Variants in WWOX observed in about 807,000 individuals in gnomAD.
WWOX encodes WW domain containing oxidoreductase, also known as WW domain-containing oxidoreductase.
A neutral mutation model predicts 46.2 loss-of-function variants in WWOX; 69 were observed. That is an observed-to-expected ratio of 1.49 (90% CI 1.23 to 1.82). The LOEUF (loss-of-function observed/expected upper bound fraction) is 1.82, where lower values mean the gene tolerates loss of function less well. Among genes scored for constraint, WWOX ranks in the 40% most tolerant of loss-of-function variants. The pLI, the probability that WWOX is intolerant of heterozygous loss-of-function variation, is 0.00. For synonymous variants in WWOX, 359 were observed against 202.6 expected, an observed-to-expected ratio of 1.77 and a Z score of -6.56; for missense variants, 919 against 542.6, an observed-to-expected ratio of 1.69 and a Z score of -6.89.
At chr16:78,887,063 ATGTG>A (rs142882663) in intron 8 of WWOX, among the ~76,000 whole-genome samples, 1 of 30,970 alleles carries the variant, frequency 3.2e-5, no homozygotes, top group African/African-American at 5.8e-5. Context: ...GTCTGGCTAT[ATGTG>A]TGTGTGTGTG....
At chr16:78,405,947 A>T (rs1009767534) in intron 6 of WWOX, among the ~76,000 whole-genome samples, 1 of 152,118 alleles carries the variant, frequency 6.6e-6, no homozygotes, top group Non-Finnish European at 1.5e-5. Flanking sequence ...CTAAAATTGC[A>T]CTAAACAAAA....
chr16:78,159,519 C>A (rs1597285677), intron 4 of WWOX, among the ~76,000 whole-genome samples: 1 of 151,982 alleles, frequency 6.6e-6, no homozygotes, highest in Non-Finnish European at 1.5e-5. Flanking sequence ...TGAGAACCAC[C>A]TTAAGAGGTG....
chr16:78,925,388 A>T (rs762774798), intron 8 of WWOX, among the ~76,000 whole-genome samples: 2 of 152,164 alleles, frequency 1.3e-5, no homozygotes, highest in Non-Finnish European at 2.9e-5. Flanking sequence ...TATTGTTTGA[A>T]AGGACAGCTC....
intron 8 of WWOX, among the ~76,000 whole-genome samples, chr16:78,455,627 G>C (rs34628000): frequency 0.014 from 1,374 of 95,122 alleles, 27 homozygotes; most frequent in African/African-American, 0.056. Flanking sequence ...TGGGTTAACA[G>C]AGCAAGACTC....
At chr16:78,898,518 G>T (rs774384608) in intron 8 of WWOX, 2 of 151,860 alleles carry the variant, frequency 1.3e-5, no homozygotes, top group Admixed American at 6.6e-5. Flanking sequence ...TATACTTACT[G>T]CTCGATTGCC....
chr16:78,883,723 CAAAAAAAAA>C (rs202124516), intron 8 of WWOX, among the ~76,000 whole-genome samples: 1 of 120,058 alleles, frequency 8.3e-6, no homozygotes, highest in South Asian at 2.6e-4. Flanking sequence ...GACTCTGTCT[CAAAAAAAAA>C]AAAGAAAAAA....
At chr16:78,215,391 A>G (rs563682812) in intron 5 of WWOX, among the ~76,000 whole-genome samples, 17 of 152,258 alleles carry the variant, frequency 1.1e-4, no homozygotes, top group Non-Finnish European at 2.5e-4. Flanking sequence ...AGTTTCCCTC[A>G]TGCTGTTCTC....
intron 5 of WWOX, among the ~76,000 whole-genome samples, chr16:78,207,574 T>G (rs1567428498): frequency 6.6e-6 from 1 of 151,948 alleles, no homozygotes; most frequent in Non-Finnish European, 1.5e-5. Flanking sequence ...CTCCTTTAAT[T>G]GAGAAGCAGA....
At chr16:78,131,873 C>T (rs536323641) in intron 4 of WWOX, among the ~76,000 whole-genome samples, 103 of 151,698 alleles carry the variant, frequency 6.8e-4, no homozygotes, top group African/African-American at 9.4e-4. Flanking sequence ...CGTGAGCCAC[C>T]GCGCCTGGCA....
At chr16:78,818,464 C>G (rs1044217687) in intron 8 of WWOX, among the ~76,000 whole-genome samples, 5 of 152,208 alleles carry the variant, frequency 3.3e-5, no homozygotes. Context: ...GGTGCAGAGG[C>G]TCATGCCTGT....
chr16:79,076,800 G>C (rs1315366502), intron 8 of WWOX, among the ~76,000 whole-genome samples: 1 of 152,246 alleles, frequency 6.6e-6, no homozygotes, highest in African/African-American at 2.4e-5. Flanking sequence ...CTAGCACATA[G>C]GGTTATAATG....
intron 8 of WWOX, among the ~76,000 whole-genome samples, chr16:78,617,627 C>T (rs984462640): frequency 2.0e-5 from 3 of 152,108 alleles, no homozygotes; most frequent in Non-Finnish European, 4.4e-5. Flanking sequence ...CCCCCAATCC[C>T]AAACTAGAAG....
chr16:78,530,789 T>G (rs1464157295), intron 8 of WWOX, among the ~76,000 whole-genome samples: 1 of 152,206 alleles, frequency 6.6e-6, no homozygotes, highest in Non-Finnish European at 1.5e-5. Context: ...TTTAATATGG[T>G]GAGATTGGCA....
chr16:78,156,454 C>T (rs1014996555), intron 4 of WWOX, among the ~76,000 whole-genome samples: 3 of 152,150 alleles, frequency 2.0e-5, no homozygotes, highest in Non-Finnish European at 4.4e-5. Context: ...CATCGTGTTG[C>T]AGTTTGAAAC....
chr16:78,627,719 C>A (rs1314506143), intron 8 of WWOX, among the ~76,000 whole-genome samples: 1 of 152,156 alleles, frequency 6.6e-6, no homozygotes, highest in South Asian at 2.1e-4. Flanking sequence ...GACTCTGGAA[C>A]AACATGGAGG....
Position 79,165,273 on chromosome 16 carries a change from G to A in WWOX, c.1057-46335G>A, listed in dbSNP as rs144943133. Among the ~76,000 whole-genome samples, 154 of 152,214 alleles carry A rather than the reference G, an allele frequency of 1.0e-3. 3 individuals are homozygous for A. The East Asian group carries it at 0.022, about 21-fold the overall frequency. On this transcript the variant is annotated intron_variant, in intron 8 of 8. Coordinates refer to ENST00000566780, the MANE Select transcript of WWOX (RefSeq NM_016373.4). ...CGGCATCCAATGACCTTGCCATTGC[G>A]GAGGTCAATTTCATGTGTGTGTGCA...
At chr16:78,647,827 A>G (rs2046879013) in intron 8 of WWOX, among the ~76,000 whole-genome samples, 1 of 152,246 alleles carries the variant, frequency 6.6e-6, no homozygotes, top group African/African-American at 2.4e-5. Flanking sequence ...GGTTATGTCA[A>G]GTGGAATATT....
intron 8 of WWOX, among the ~76,000 whole-genome samples, chr16:78,728,732 A>T (rs2048894300): frequency 6.6e-6 from 1 of 152,154 alleles, no homozygotes; most frequent in South Asian, 2.1e-4. Flanking sequence ...ACATCCTATG[A>T]TTCCAAGAGG....
chr16:78,810,634 G>T (rs539958810), intron 8 of WWOX, among the ~76,000 whole-genome samples: 3 of 152,084 alleles, frequency 2.0e-5, no homozygotes, highest in Non-Finnish European at 4.4e-5. Flanking sequence ...TATTTCTTCC[G>T]CTGAACAGGA....
Sources: gnomAD v4.1 joint callset for allele counts (sites outside exome capture counted in the v4.1 genomes callset) on GRCh38, gnomAD v4.1.1 for gene constraint, MANE v1.5 for transcripts, NCBI Gene and HGNC (gene_info 2026-07-23, HGNC 2026-07-21) for gene names.